HDAC9: variants seen among roughly 807,000 people sequenced by gnomAD.
HDAC9 encodes the protein MEF-2 interacting transcription repressor (MITR) protein.
In HDAC9, 41 loss-of-function variants were observed where a neutral mutation model predicts 139.4. The ratio of observed to expected loss-of-function variants is 0.29; its 90% CI spans 0.23 to 0.38. The LOEUF (loss-of-function observed/expected upper bound fraction) is 0.38. Ranked by LOEUF, HDAC9 falls within the 10% of genes least tolerant of loss-of-function variation. HDAC9 has a pLI of 1.00. For synonymous variants in HDAC9, 517 were observed against 476.2 expected (o/e 1.09, Z -1.12); for missense variants, 1,147 against 1,297.0 (o/e 0.88, Z 1.78).
chr7:18,702,750 C>T (rs73315406), intron 12 of HDAC9, among the ~76,000 whole-genome samples: 2,356 of 152,286 alleles, frequency 0.015, 63 homozygotes, highest in African/African-American at 0.054. Flanking sequence ...ATTAGAATTA[C>T]CATTTCCCTC....
At chr7:18,907,967 G>A (rs569037872) in intron 22 of HDAC9, among the ~76,000 whole-genome samples, 3 of 152,086 alleles carry the variant, frequency 2.0e-5, no homozygotes, top group African/African-American at 7.2e-5. Context: ...TTTTTACAGT[G>A]ATTTTTCCAG....
At chr7:18,783,348 G>A (rs1791415581) in intron 16 of HDAC9, among the ~76,000 whole-genome samples, 1 of 152,016 alleles carries the variant, frequency 6.6e-6, no homozygotes, top group South Asian at 2.1e-4. Context: ...TGTGGTAAGG[G>A]GCAAGGTTTT....
At chr7:18,978,219 T>C (rs1784674274) in intron 25 of HDAC9, among the ~76,000 whole-genome samples, 1 of 152,128 alleles carries the variant, frequency 6.6e-6, no homozygotes, top group South Asian at 2.1e-4. Flanking sequence ...TTGCCAGTTA[T>C]TTTGGAGAAC....
intron 6 of HDAC9, 143 bp from the exon 7 acceptor site, chr7:18,629,207 T>G (rs909791343): frequency 3.9e-5 from 25 of 641,020 alleles, no homozygotes; most frequent in Admixed American, 7.1e-5. Context: ...AGTCAATGCC[T>G]CATTTATGTG....
intron 12 of HDAC9, among the ~76,000 whole-genome samples, chr7:18,702,587 C>T (rs977297749): frequency 6.6e-6 from 1 of 152,084 alleles, no homozygotes; most frequent in African/African-American, 2.4e-5. Context: ...CTGAGAGAAC[C>T]CAGGGACAAG....
At chr7:18,901,307 T>C (rs1801699778) in intron 22 of HDAC9, among the ~76,000 whole-genome samples, 1 of 151,052 alleles carries the variant, frequency 6.6e-6, no homozygotes. Context: ...TTTGTTCCTG[T>C]GATTCTTTGA....
chr7:18,763,457 G>A (rs555872532), intron 15 of HDAC9, among the ~76,000 whole-genome samples: 1 of 152,078 alleles, frequency 6.6e-6, no homozygotes, highest in Non-Finnish European at 1.5e-5. Context: ...AAAGTACATT[G>A]CTAATATTTG....
At chr7:18,826,243 G>C (rs985831747) in intron 17 of HDAC9, among the ~76,000 whole-genome samples, 1 of 152,134 alleles carries the variant, frequency 6.6e-6, no homozygotes, top group African/African-American at 2.4e-5. Context: ...TGGACTTTGT[G>C]CTCTCAAAGC....
chr7:18,346,990 A>G (rs1217480492), intron 1 of HDAC9, among the ~76,000 whole-genome samples: 1 of 152,182 alleles, frequency 6.6e-6, no homozygotes, highest in South Asian at 2.1e-4. Flanking sequence ...CACAAAGGAA[A>G]TAAGACATCT....
chr7:18,239,443 A>C (rs1794042999), intron 2 of HDAC9, among the ~76,000 whole-genome samples: 1 of 152,148 alleles, frequency 6.6e-6, no homozygotes. Context: ...GCTTTCAGTC[A>C]TCAGGGGCCA....
intron 1 of HDAC9, among the ~76,000 whole-genome samples, chr7:18,092,192 C>T (rs1470313229): frequency 6.6e-6 from 1 of 152,054 alleles, no homozygotes; most frequent in Non-Finnish European, 1.5e-5. Context: ...TCAAGATCAG[C>T]CTGGGCAACA....
chr7:18,251,790 C>G (rs1032098459), intron 2 of HDAC9, among the ~76,000 whole-genome samples: 1 of 152,134 alleles, frequency 6.6e-6, no homozygotes, highest in Non-Finnish European at 1.5e-5. Context: ...TGAGTGATAA[C>G]AGGTGAATGA....
At chr7:18,619,795 A>G (rs1320228821) in intron 6 of HDAC9, among the ~76,000 whole-genome samples, 2 of 152,152 alleles carry the variant, frequency 1.3e-5, no homozygotes, top group Non-Finnish European at 1.5e-5. Context: ...CAGCATACTT[A>G]ATCTCCATTC....
chr7:18,086,903 C>CGCG (rs535747379), upstream of HDAC9: 2,439 of 144,578 alleles, frequency 0.017, 32 homozygotes, highest in African/African-American at 0.022. Flanking sequence ...GCCCCCCCCG[C>CGCG]GCGGCGGCGG....
Position 18,534,228 on chromosome 7 carries a change from G to T in HDAC9, c.22+37904G>T, listed in dbSNP as rs185527840. On this transcript the variant is annotated intron_variant, in intron 2 of 25. Coordinates refer to ENST00000686413, the MANE Select transcript of HDAC9 (RefSeq NM_178425.4). ...GGACATTTAGCAGCCCTTTCAGTGGGTACATGTGTGTTTGTGTGTATGTGG... is the reference window on the plus strand; with the variant it reads ...GGACATTTAGCAGCCCTTTCAGTGGTTACATGTGTGTTTGTGTGTATGTGG... Among the ~76,000 whole-genome samples, 50 of 152,268 alleles carry T rather than the reference G, an allele frequency of 3.3e-4. No homozygotes were observed. The East Asian group carries it at 9.3e-3, about 28-fold the overall frequency.
intron 2 of HDAC9, among the ~76,000 whole-genome samples, chr7:18,183,207 C>T (rs1224229070): frequency 6.6e-6 from 1 of 152,078 alleles, no homozygotes; most frequent in Non-Finnish European, 1.5e-5. Context: ...GACGGGGTTT[C>T]ACCGTGTTAG....
intron 1 of HDAC9, among the ~76,000 whole-genome samples, chr7:18,391,651 ATAC>A (rs1433289981): frequency 6.6e-6 from 1 of 152,262 alleles, no homozygotes; most frequent in Non-Finnish European, 1.5e-5. Context: ...TATGTTGAGG[ATAC>A]TAGAGAGCTT....
At chr7:18,268,295 A>G (rs1796123655) in intron 2 of HDAC9, among the ~76,000 whole-genome samples, 1 of 152,156 alleles carries the variant, frequency 6.6e-6, no homozygotes. Flanking sequence ...CGATACATAC[A>G]TTGCTTGAGA....
At chr7:18,288,705 G>C (rs2077881), upstream of HDAC9, among the ~76,000 whole-genome samples, 27 of 152,128 alleles carry the variant, frequency 1.8e-4, no homozygotes, top group Admixed American at 1.6e-3. Context: ...GTGAAGCTTT[G>C]TGCTTGAGCA....
Sources: allele counts gnomAD v4.1 joint callset (sites outside exome capture counted in the v4.1 genomes callset), GRCh38; gene constraint gnomAD v4.1.1; transcripts MANE v1.5; gene names NCBI Gene and HGNC (gene_info 2026-07-23, HGNC 2026-07-21).